PCNX4: variants seen among roughly 807,000 people sequenced by gnomAD.
PCNX4 encodes pecanex-like protein 4.
Under a neutral mutation model 107.2 loss-of-function variants are expected in PCNX4, and 103 were observed. The observed-to-expected ratio is 0.96, with a 90% CI of 0.82 to 1.13. The LOEUF is 1.13. PCNX4 is among the 50% of genes most tolerant of loss of function. The pLI is 0.00. For missense variants in PCNX4, 1,528 were observed against 1,379.4 expected (o/e 1.11, Z -1.71); for synonymous variants, 541 against 481.7 (o/e 1.12, Z -1.61).
intron 7 of PCNX4, among the ~76,000 whole-genome samples, chr14:60,120,029 G>A (rs1431295432): frequency 1.3e-5 from 2 of 152,154 alleles, no homozygotes; most frequent in Non-Finnish European, 2.9e-5. Flanking sequence ...CAGTTCTAGA[G>A]AAATTCTAGT....
At chr14:60,114,635 C>G in intron 2 of PCNX4, 65 bp from the exon 3 acceptor site, 1 of 1,378,272 alleles carries the variant, frequency 7.3e-7, no homozygotes, top group East Asian at 2.3e-5. Context: ...TGTTGCTTTG[C>G]TTTTTCTTAA....
chr14:60,111,679 G>A (rs1214253249), intron 2 of PCNX4, among the ~76,000 whole-genome samples: 1 of 151,938 alleles, frequency 6.6e-6, no homozygotes, highest in Non-Finnish European at 1.5e-5. Context: ...TTTTAATTTG[G>A]TTTTCCCGAC....
Position 60,134,438 on chromosome 14 carries a change from A to G in PCNX4, c.*217A>G, listed in dbSNP as rs762688031. On this transcript the variant is annotated 3_prime_UTR_variant, in exon 11 of 11. Transcript: ENST00000406854. Reference sequence around the variant, plus strand: ...CTAAGATAAAAGAACTATTTGGCCAATATTTGTGCCCTCTGGACTTTAGTA... The same window carrying G: ...CTAAGATAAAAGAACTATTTGGCCAGTATTTGTGCCCTCTGGACTTTAGTA... The G allele has an allele frequency of 7.5e-6, 4 of 530,452 alleles. No homozygotes were observed. The highest frequency in any genetic ancestry group is 3.2e-6 in the Non-Finnish European group (1 of 309,400). 32.9% of individuals were successfully genotyped at this position (530,452 alleles called of 1,614,324 possible).
intron 1 of PCNX4, among the ~76,000 whole-genome samples, chr14:60,104,279 AC>A (rs1895588497): frequency 6.9e-6 from 1 of 144,632 alleles, no homozygotes; most frequent in Admixed American, 7.0e-5. Flanking sequence ...AGATCACGCC[AC>A]TGCACTCCAG....
chr14:60,117,725 CT>C (rs1265401964), intron 6 of PCNX4, among the ~76,000 whole-genome samples: 12 of 152,220 alleles, frequency 7.9e-5, no homozygotes, highest in Admixed American at 5.2e-4. Context: ...ATCTAGTTTT[CT>C]TTCCTTGTGA....
intron 10 of PCNX4, chr14:60,133,768 A>C: frequency 3.0e-6 from 2 of 664,514 alleles, no homozygotes; most frequent in African/African-American, 3.6e-5. Flanking sequence ...TTTTATTTAA[A>C]GAACCAAGGA....
chr14:60,094,791 C>G (rs1463037330), intron 1 of PCNX4, among the ~76,000 whole-genome samples: 2 of 124,382 alleles, frequency 1.6e-5, no homozygotes, highest in Non-Finnish European at 3.2e-5. Context: ...TTCTTTAACT[C>G]CCACCTTCCC....
In PCNX4 at chr14:60,142,982, A is replaced by G. The variant is rs1169183371; in HGVS notation, c.*8761A>G. 1 of 152,216 alleles carries G rather than the reference A, an allele frequency of 6.6e-6. No homozygotes were observed. Among genetic ancestry groups the G allele is most frequent in the Non-Finnish European group, 1.5e-5 (1 of 68,084 alleles). The allele number at this position is 152,216 out of a possible 1,614,324, so 9.4% of individuals were successfully genotyped here. A position where few individuals can be genotyped will look rare whatever the true frequency, so the allele number is the denominator to read the frequency against. ...CCATCTCCAAAAGAAAGAAAGAAAG[A>G]AAGAAAAAAATGCCATACAGATGAA... is the stretch of plus-strand genomic sequence containing the variant. On this transcript the variant is annotated 3_prime_UTR_variant, in exon 11 of 11. Transcript: ENST00000406854. This position sits in a 1 kb window ranked among gnomAD's most constrained non-coding sequence, Gnocchi z 4.7.
At position 60,124,611 on chromosome 14, in the gene PCNX4, A is replaced by C. The variant is rs770477950; in HGVS notation, c.2440A>C (p.Asn814His). The stretch of plus-strand genomic sequence containing the variant: ...ATCCCCAGAAGACATAGACAGTTTA[A>C]ATTCAGAAACTTTTAATGACTGGTC... ...PKSPEDIDSL[N>H]SETFNDWSDD... Residue 814 changes from asparagine (N) to histidine (H), a missense_variant, in exon 9 of 11, where the codon AAT becomes CAT. Transcript: ENST00000406854. The C allele has an allele frequency of 2.8e-5, 45 of 1,613,716 alleles. No individual in the cohort carries two copies. Among genetic ancestry groups the C allele is most frequent in the Non-Finnish European group, 3.8e-5 (45 of 1,179,802 alleles).
rs372817935 is a variant in PCNX4, at chr14:60,108,153, G to A, written c.515G>A (p.Gly172Asp). 12 of 1,612,700 alleles carry A rather than the reference G, an allele frequency of 7.4e-6. No homozygotes were observed. In the Admixed American group the frequency reaches 1.7e-4, roughly 22 times the overall value. ...RITLLYGSTG[G>D]TALLFFFGWM... is the part of the protein sequence containing the mutation. ...ACCTTGCTGTATGGCAGTACAGGAG[G>A]CACTGCTCTACTATTCTTCTTTGGA... The change falls in exon 2 of 11, where the codon GGC becomes GAC. Residue 172 changes from glycine to aspartate, a missense_variant. Physicochemically the swap from Gly to Asp is moderately conservative, Grantham distance 94. Transcript: ENST00000406854.
At chr14:60,117,442 T>C (rs1183522711) in intron 6 of PCNX4, among the ~76,000 whole-genome samples, 1 of 152,206 alleles carries the variant, frequency 6.6e-6, no homozygotes, top group Non-Finnish European at 1.5e-5. Flanking sequence ...AGCCTAGGTA[T>C]GTAGTAGGCT....
In PCNX4 at chr14:60,125,832, A is replaced by G; in HGVS notation, c.3267+9A>G. 6.3e-7 allele frequency: 1 copy of G among 1,578,588 alleles called. No homozygotes were observed. The highest frequency in any genetic ancestry group is 8.6e-7 in the Non-Finnish European group (1 of 1,164,530). ...GGTATGATTCTAATATGGTAAGGTT[A>G]AAAAATTTTTAAACTTACATATACT... is the stretch of plus-strand genomic sequence containing the variant. On this transcript the variant is annotated intron_variant, in intron 10 of 10. Coordinates refer to ENST00000406854, the MANE Select transcript of PCNX4 (RefSeq NM_001330177.2).
rs1205703997 is a variant in PCNX4 at position 60,115,832 on chromosome 14, T to G, written c.1458+13T>G. The G allele has an allele frequency of 6.2e-7, 1 of 1,602,860 alleles. No individual in the cohort carries two copies. The highest frequency in any genetic ancestry group is 1.7e-5 in the Admixed American group (1 of 59,140). ...AGCCTTTAGAATGGTAATCCTAATA[T>G]GTGTTTAATAGTATTTTCCTATTGC... On this transcript the variant is annotated intron_variant, in intron 5 of 10. Coordinates refer to ENST00000406854, the MANE Select transcript of PCNX4 (RefSeq NM_001330177.2).
rs1180451278 is a variant in PCNX4 at position 60,125,618 on chromosome 14, G to A, written c.3081-19G>A. 16 of 1,415,708 alleles carry A rather than the reference G, an allele frequency of 1.1e-5. No individual in the cohort carries two copies. In the Admixed American group the frequency reaches 2.2e-4, roughly 19 times the overall value. 87.7% of individuals were successfully genotyped at this position (1,415,708 alleles called of 1,614,324 possible). A position where few individuals can be genotyped will look rare whatever the true frequency, so the allele number is the denominator to read the frequency against. ...GACAGCAAATATTCTAAAATTCTTC[G>A]GTTCTCCATTTTTTTTAGGTATACT... On this transcript the variant is annotated intron_variant, in intron 9 of 10. Coordinates refer to ENST00000406854, the MANE Select transcript of PCNX4 (RefSeq NM_001330177.2).
At chr14:60,128,101 G>A (rs1375240947) in intron 10 of PCNX4, among the ~76,000 whole-genome samples, 1 of 152,146 alleles carries the variant, frequency 6.6e-6, no homozygotes, top group Non-Finnish European at 1.5e-5. Flanking sequence ...GAGAAACGTG[G>A]AACACCATTA....
chr14:60,120,999 C>T (rs1240764655), intron 7 of PCNX4, among the ~76,000 whole-genome samples, 197 bp from the exon 8 acceptor site: 1 of 151,962 alleles, frequency 6.6e-6, no homozygotes, highest in East Asian at 1.9e-4. Context: ...TTATCTGTTC[C>T]AACTGCTCTT....
intron 10 of PCNX4, 197 bp from the exon 11 acceptor site, chr14:60,133,773 C>G (rs1297021056): frequency 1.3e-5 from 9 of 668,108 alleles, no homozygotes; most frequent in Non-Finnish European, 1.6e-5. Context: ...TTTAAAGAAC[C>G]AAGGAAGTAG....
At position 60,107,809 on chromosome 14, in the gene PCNX4, CG is replaced by C; in HGVS notation, c.173del (p.Gly58GlufsTer7). The C allele has an allele frequency of 6.2e-7, 1 of 1,612,706 alleles. No homozygotes were observed. The highest frequency in any genetic ancestry group is 8.5e-7 in the Non-Finnish European group (1 of 1,179,826). ...FLMPWVWGGV[G>X]TLLYQLGILK... ...TAATGCCATGGGTTTGGGGTGGAGT[CG>C]GAACACTTTTATACCAGTTAGGCAT... On this transcript the variant is annotated frameshift_variant, in exon 2 of 11. Coordinates refer to ENST00000406854, the MANE Select transcript of PCNX4 (RefSeq NM_001330177.2). LOFTEE classifies it high-confidence loss of function.
rs773436653 is a variant in PCNX4, at chr14:60,114,856, CT to C, written c.847del (p.Ser283HisfsTer10). 6.2e-7 allele frequency: 1 copy of C among 1,612,664 alleles called. No individual in the cohort carries two copies. Among genetic ancestry groups the C allele is most frequent in the Non-Finnish European group, 8.5e-7 (1 of 1,179,394 alleles). The stretch of plus-strand genomic sequence containing the variant: ...AGGTTTTAGAGTTCGGCCTTGGAGG[CT>C]CATCTATGTCAACCCACTTACGGTA... The part of the protein sequence containing the change: ...EQVLEFGLGG[S>X]SMSTHLRLLV... On this transcript the variant is annotated frameshift_variant, in exon 3 of 11. Coordinates refer to ENST00000406854, the MANE Select transcript of PCNX4 (RefSeq NM_001330177.2). LOFTEE classifies it high-confidence loss of function.
Sources: gnomAD v4.1 joint callset for allele counts (sites outside exome capture counted in the v4.1 genomes callset) on GRCh38, gnomAD v4.1.1 for gene constraint, Gnocchi (gnomAD v3.1) non-coding constraint, MANE v1.5 for transcripts, NCBI Gene and HGNC (gene_info 2026-07-23, HGNC 2026-07-21) for gene names.